PCDHGA6: variants seen among roughly 807,000 people sequenced by gnomAD.
PCDHGA6 encodes the protein protocadherin gamma subfamily A, 6.
In PCDHGA6, 41 loss-of-function variants were observed where a neutral mutation model predicts 60.6. That is an observed-to-expected ratio of 0.68 (90% CI 0.53 to 0.88). PCDHGA6 has a LOEUF of 0.88. Ranked by LOEUF, PCDHGA6 falls within the 40% of genes least tolerant of loss-of-function variation. PCDHGA6 has a pLI of 0.00. For missense variants in PCDHGA6, 1,312 were observed against 1,203.0 expected (o/e 1.09, Z -1.34); for synonymous variants, 594 against 524.4 (o/e 1.13, Z -1.81).
rs143252334 is a variant in PCDHGA6 at position 141,431,395 on chromosome 5, T to A, written c.2424+54888T>A. On this transcript the variant is annotated intron_variant, in intron 1 of 3. Transcript: ENST00000517434. The surrounding 1 kb of genome is among the most constrained non-coding windows in gnomAD (Gnocchi z 4.8). ...AAAAGGCTGCTCACCACCTGGTCCT[T>A]ACGGCCTCCGACGGGGGCGACCCGG... 2 of 1,613,720 alleles carry A rather than the reference T, an allele frequency of 1.2e-6. No individual in the cohort carries two copies. Among genetic ancestry groups the A allele is most frequent in the African/African-American group, 2.7e-5 (2 of 74,950 alleles).
At chr5:141,436,074 G>A (rs1048063491) in intron 1 of PCDHGA6, among the ~76,000 whole-genome samples, 3 of 152,058 alleles carry the variant, frequency 2.0e-5, no homozygotes, top group Non-Finnish European at 4.4e-5. Context: ...TAAGTACAGT[G>A]TTCTATAGGT....
At chr5:141,379,593 AC>A (rs1775703652) in intron 1 of PCDHGA6, 1 of 152,152 alleles carries the variant, frequency 6.6e-6, no homozygotes, top group Non-Finnish European at 1.5e-5. Flanking sequence ...TTCTCTTATT[AC>A]CTGTGACCAT....
At chr5:141,387,441 T>G (rs2150335837) in intron 1 of PCDHGA6, among the ~76,000 whole-genome samples, 1 of 152,370 alleles carries the variant, frequency 6.6e-6, no homozygotes, top group South Asian at 2.1e-4. Flanking sequence ...ATGTACTTAA[T>G]CTACATGATT....
At chr5:141,393,569 T>C (rs1227543853) in intron 1 of PCDHGA6, 1 of 1,613,918 alleles carries the variant, frequency 6.2e-7, no homozygotes, top group South Asian at 1.1e-5. Context: ...TGAAAGTCCT[T>C]GAGAACATGC....
At chr5:141,425,381 A>C (rs1374877185) in intron 1 of PCDHGA6, among the ~76,000 whole-genome samples, 3 of 152,194 alleles carry the variant, frequency 2.0e-5, no homozygotes, top group African/African-American at 7.2e-5. Flanking sequence ...GTTGATTCGG[A>C]GGTAGTGATA....
chr5:141,386,298 A>T (rs1459802596), intron 1 of PCDHGA6, among the ~76,000 whole-genome samples: 1 of 152,242 alleles, frequency 6.6e-6, no homozygotes, highest in African/African-American at 2.4e-5. Flanking sequence ...ACATTTTAGT[A>T]AAGCTCAGTA....
In PCDHGA6 at chr5:141,486,223, C is replaced by G. The variant is rs1164723634; in HGVS notation, c.2425-8584C>G. ...ACGTAAATGACAATGCCCCTTACATCACAGTGACCTCAGAGCTTGGAACCC... is the reference window on the plus strand; with the variant it reads ...ACGTAAATGACAATGCCCCTTACATGACAGTGACCTCAGAGCTTGGAACCC... On this transcript the variant is annotated intron_variant, in intron 1 of 3. Coordinates refer to ENST00000517434, the MANE Select transcript of PCDHGA6 (RefSeq NM_018919.3). The surrounding 1 kb of genome is among the most constrained non-coding windows in gnomAD (Gnocchi z 5.0). The G allele has an allele frequency of 6.2e-7, 1 of 1,614,148 alleles. No homozygotes were observed. Among genetic ancestry groups the G allele is most frequent in the Admixed American group, 1.7e-5 (1 of 60,032 alleles).
At chr5:141,456,119 C>G (rs902179639) in intron 1 of PCDHGA6, among the ~76,000 whole-genome samples, 3 of 151,826 alleles carry the variant, frequency 2.0e-5, no homozygotes, top group Non-Finnish European at 4.4e-5. Flanking sequence ...GGATGGTCTC[C>G]ATCTCCTGAC....
intron 2 of PCDHGA6, among the ~76,000 whole-genome samples, chr5:141,496,474 T>A (rs2099769027): frequency 6.6e-6 from 1 of 152,140 alleles, no homozygotes; most frequent in African/African-American, 2.4e-5. Context: ...CTTTCCCCCA[T>A]CCTGCAACCA....
intron 2 of PCDHGA6, among the ~76,000 whole-genome samples, chr5:141,500,138 ACTTTT>A: frequency 6.6e-6 from 1 of 150,560 alleles, no homozygotes; most frequent in Middle Eastern, 3.2e-3. Flanking sequence ...ATCTTTCTAA[ACTTTT>A]CTTTGTGTAA....
intron 1 of PCDHGA6, among the ~76,000 whole-genome samples, chr5:141,381,798 CTCTTTCTT>C (rs372235829): frequency 6.9e-5 from 10 of 144,174 alleles, no homozygotes; most frequent in South Asian, 6.6e-4. Flanking sequence ...AGGCAATTCC[CTCTTTCTT>C]TCTTTCTTTC....
At chr5:141,419,826 C>T in intron 1 of PCDHGA6, 1 of 1,614,066 alleles carries the variant, frequency 6.2e-7, no homozygotes, top group Non-Finnish European at 8.5e-7. Flanking sequence ...CCCCTTTCAG[C>T]CACTGCCACG....
At chr5:141,427,557 A>G (rs1437024906) in intron 1 of PCDHGA6, 1 of 650,060 alleles carries the variant, frequency 1.5e-6, no homozygotes, top group Non-Finnish European at 2.8e-6. Flanking sequence ...TGCCACTGAC[A>G]AGGGCAAGCC....
Position 141,432,465 on chromosome 5 carries a change from C to G in PCDHGA6, c.2424+55958C>G. ...GAGATCCTGTACCCCGCCCTCCCCACGGACGGTTCCACTGGCGTGGAGCTG... is the reference window on the plus strand; with the variant it reads ...GAGATCCTGTACCCCGCCCTCCCCAGGGACGGTTCCACTGGCGTGGAGCTG... On this transcript the variant is annotated intron_variant, in intron 1 of 3. Transcript: ENST00000517434. The surrounding 1 kb of genome is among the most constrained non-coding windows in gnomAD (Gnocchi z 6.0). The G allele has an allele frequency of 6.2e-7, 1 of 1,614,222 alleles. No individual in the cohort carries two copies. Among genetic ancestry groups the G allele is most frequent in the Non-Finnish European group, 8.5e-7 (1 of 1,180,050 alleles).
chr5:141,407,847 T>C (rs1236964962), intron 1 of PCDHGA6, among the ~76,000 whole-genome samples: 2 of 152,224 alleles, frequency 1.3e-5, no homozygotes, highest in African/African-American at 4.8e-5. Context: ...TTGAGGGGGA[T>C]GTACACCTGC....
chr5:141,376,211 G>A lies in PCDHGA6; in HGVS notation c.2128G>A (p.Val710Met), dbSNP rs1772408440. The change falls in exon 1 of 4, where the codon GTG becomes ATG. Residue 710 changes from valine (V) to methionine (M), a missense_variant. Physicochemically the swap from Val to Met is conservative, Grantham distance 21. Transcript: ENST00000517434. ...CTGCGTCTTCCTGGCCTTCGTCATC[G>A]TGCTGCTGGCGCTCAGACTGCAGCG... is the stretch of plus-strand genomic sequence containing the variant. ...VSCVFLAFVI[V>M]LLALRLQRWH... The A allele has an allele frequency of 6.2e-7, 1 of 1,614,180 alleles. No homozygotes were observed. Among genetic ancestry groups the A allele is most frequent in the Admixed American group, 1.7e-5 (1 of 60,032 alleles).
At chr5:141,395,053 A>G (rs1210765378) in intron 1 of PCDHGA6, 1 of 1,614,062 alleles carries the variant, frequency 6.2e-7, no homozygotes, top group African/African-American at 1.3e-5. Flanking sequence ...GAGGAGGTAC[A>G]GGCTTTCCTG....
rs771162471 is a variant in PCDHGA6, at chr5:141,376,386, T to G, written c.2303T>G (p.Leu768Arg). 81 of 1,614,116 alleles carry G rather than the reference T, an allele frequency of 5.0e-5. No individual in the cohort carries two copies. The highest frequency in any genetic ancestry group is 4.2e-4 in the South Asian group (38 of 91,094). Residue 768 changes from leucine (L) to arginine (R), a missense_variant, in exon 1 of 4, where the codon CTG becomes CGG. Transcript: ENST00000517434. ...ACTGCAGACTCGCGTAAGAGTCATC[T>G]GATTTTCCCCCAGCCCAACTATGCC... ...SLTADSRKSH[L>R]IFPQPNYADT... is the part of the protein sequence containing the mutation.
At chr5:141,446,447 A>G (rs2098502204) in intron 1 of PCDHGA6, among the ~76,000 whole-genome samples, 1 of 151,946 alleles carries the variant, frequency 6.6e-6, no homozygotes, top group Non-Finnish European at 1.5e-5. Context: ...AACAGTGCAG[A>G]TATTCAGTGT....
Sources: gnomAD v4.1 joint callset for allele counts (sites outside exome capture counted in the v4.1 genomes callset) on GRCh38, gnomAD v4.1.1 for gene constraint, Gnocchi (gnomAD v3.1) non-coding constraint, MANE v1.5 for transcripts, NCBI Gene and HGNC (gene_info 2026-07-23, HGNC 2026-07-21) for gene names.